The following STK32B variants were observed in gnomAD, a reference collection of about 807,000 sequenced individuals.
STK32B encodes the protein serine/threonine kinase 32B.
STK32B carries 43 observed loss-of-function variants against 52.6 expected under a neutral mutation model. The observed-to-expected ratio is 0.82, with a 90% CI of 0.64 to 1.05. The LOEUF (loss-of-function observed/expected upper bound fraction) is 1.05, where lower values mean the gene tolerates loss of function less well. STK32B is among the 50% of genes least tolerant of loss of function. The probability of loss-of-function intolerance (pLI) is 0.00; values close to 1 mark genes in which losing one functional copy is unlikely to be tolerated. For synonymous variants in STK32B, 238 were observed against 204.3 expected (o/e 1.17, Z -1.41); for missense variants, 621 against 534.6 (o/e 1.16, Z -1.59).
chr4:5,061,258 G>C (rs528639291), intron 1 of STK32B, among the ~76,000 whole-genome samples: 1 of 152,036 alleles, frequency 6.6e-6, no homozygotes, highest in African/African-American at 2.4e-5. Flanking sequence ...CTTCAGGTCT[G>C]TCTGCTATTA....
chr4:5,054,704 A>G (rs1450167371), intron 1 of STK32B, among the ~76,000 whole-genome samples: 11 of 152,204 alleles, frequency 7.2e-5, no homozygotes, highest in Non-Finnish European at 1.6e-4. Context: ...CCAGTGAACA[A>G]GCTCTCCCAA....
intron 3 of STK32B, among the ~76,000 whole-genome samples, chr4:5,209,982 AT>A (rs1239913684): frequency 1.3e-5 from 2 of 152,156 alleles, no homozygotes; most frequent in African/African-American, 4.8e-5. Flanking sequence ...AAATATGTGA[AT>A]TTCTAGAGGC....
intron 1 of STK32B, among the ~76,000 whole-genome samples, chr4:5,074,526 A>C (rs1711967066): frequency 1.3e-5 from 2 of 151,784 alleles, no homozygotes; most frequent in Non-Finnish European, 2.9e-5. Context: ...TTTACCATGG[A>C]ACACATTCTT....
At chr4:5,176,023 G>C (rs144166662) in intron 3 of STK32B, among the ~76,000 whole-genome samples, 1 of 152,198 alleles carries the variant, frequency 6.6e-6, no homozygotes. Context: ...CCCAAGCCTC[G>C]CTGTGGCCTT....
At chr4:5,428,526 AC>A (rs1047882441) in intron 6 of STK32B, among the ~76,000 whole-genome samples, 1 of 152,196 alleles carries the variant, frequency 6.6e-6, no homozygotes, top group African/African-American at 2.4e-5. Context: ...ATTTTGTATG[AC>A]TTCTTTTCTA....
chr4:5,124,105 C>T (rs1715219388), intron 1 of STK32B, among the ~76,000 whole-genome samples: 1 of 152,082 alleles, frequency 6.6e-6, no homozygotes, highest in African/African-American at 2.4e-5. Flanking sequence ...CTGGTTTTGC[C>T]AAAATGTCAG....
the STK32B span, among the ~76,000 whole-genome samples, chr4:5,029,950 G>C: frequency 2.6e-5 from 4 of 152,178 alleles, no homozygotes; most frequent in Non-Finnish European, 5.9e-5. Context: ...GTTTTCATGA[G>C]ATCTGATGGT....
Position 5,380,241 on chromosome 4 carries a change from A to G in STK32B, c.435-17966A>G, listed in dbSNP as rs947932388. 2.0e-5 allele frequency among the ~76,000 whole-genome samples: 3 copies of G among 152,128 alleles called. No homozygotes were observed. The highest frequency in any genetic ancestry group is 6.5e-5 in the Admixed American group (1 of 15,276). ...AAAAGAAAATGGAACTGAACATGCT[A>G]TGTCAGAGCAACCCCATCCCCATGG... On this transcript the variant is annotated intron_variant, in intron 4 of 11. Coordinates refer to ENST00000282908, the MANE Select transcript of STK32B (RefSeq NM_018401.3). This position sits in a 1 kb window ranked among gnomAD's most constrained non-coding sequence, Gnocchi z 4.3.
chr4:5,278,982 C>G (rs1728019365), intron 3 of STK32B, among the ~76,000 whole-genome samples: 2 of 152,124 alleles, frequency 1.3e-5, no homozygotes, highest in Admixed American at 6.5e-5. Flanking sequence ...GGTCCCTACC[C>G]CAACACTGAC....
At chr4:5,340,265 C>G (rs528381037) in intron 4 of STK32B, among the ~76,000 whole-genome samples, 2 of 152,202 alleles carry the variant, frequency 1.3e-5, no homozygotes, top group Admixed American at 1.3e-4. Context: ...CTACACAGCA[C>G]CAGTGGGAGC....
At chr4:5,093,662 T>C (rs1304971481) in intron 1 of STK32B, among the ~76,000 whole-genome samples, 1 of 152,156 alleles carries the variant, frequency 6.6e-6, no homozygotes. Context: ...TGTATGCATA[T>C]GTAACTAACC....
chr4:5,317,833 G>A (rs2108931994), intron 3 of STK32B, among the ~76,000 whole-genome samples: 1 of 152,018 alleles, frequency 6.6e-6, no homozygotes, highest in East Asian at 1.9e-4. Flanking sequence ...ATTCATCTAA[G>A]TGTTTTGGAT....
At chr4:5,162,284 A>T (rs1050040161) in intron 2 of STK32B, among the ~76,000 whole-genome samples, 1 of 152,234 alleles carries the variant, frequency 6.6e-6, no homozygotes, top group African/African-American at 2.4e-5. Context: ...CAGTGAAATC[A>T]TTCTCAACTC....
chr4:5,195,425 G>A (rs1004090241), intron 3 of STK32B, among the ~76,000 whole-genome samples: 2 of 152,182 alleles, frequency 1.3e-5, no homozygotes, highest in East Asian at 1.9e-4. Flanking sequence ...GGGTGCAGTG[G>A]CTCATGTCAG....
chr4:5,088,104 G>A (rs1033062441), intron 1 of STK32B, among the ~76,000 whole-genome samples: 15 of 152,034 alleles, frequency 9.9e-5, no homozygotes, highest in African/African-American at 3.1e-4. Flanking sequence ...GCCTGTGATC[G>A]CAACAGAAAA....
chr4:5,348,182 T>G (rs2089031), intron 4 of STK32B, among the ~76,000 whole-genome samples: 1 of 151,936 alleles, frequency 6.6e-6, no homozygotes, highest in Admixed American at 6.6e-5. Flanking sequence ...GGGTCCAGAT[T>G]CCCACAACAG....
At position 5,394,825 on chromosome 4, in the gene STK32B, A is replaced by G. The variant is rs1054622843; in HGVS notation, c.435-3382A>G. The stretch of plus-strand genomic sequence containing the variant: ...GTAAGTGGCCCAAGATCATATAGCT[A>G]GAGAATTAGTTTTCTATTGTTGTGA... On this transcript the variant is annotated intron_variant, in intron 4 of 11. Transcript: ENST00000282908. This position sits in a 1 kb window ranked among gnomAD's most constrained non-coding sequence, Gnocchi z 4.2. Among the ~76,000 whole-genome samples, 15 of 152,378 alleles carry G rather than the reference A, an allele frequency of 9.8e-5. No homozygotes were observed. The highest frequency in any genetic ancestry group is 2.6e-4 in the Admixed American group (4 of 15,304).
At chr4:5,061,271 T>A (rs1363230439) in intron 1 of STK32B, among the ~76,000 whole-genome samples, 1 of 152,222 alleles carries the variant, frequency 6.6e-6, no homozygotes, top group Admixed American at 6.5e-5. Context: ...TGCTATTAAG[T>A]ACAGCCATTA....
chr4:5,378,062 A>T lies in STK32B; in HGVS notation c.435-20145A>T, dbSNP rs2109020341. On this transcript the variant is annotated intron_variant, in intron 4 of 11. Coordinates refer to ENST00000282908, the MANE Select transcript of STK32B (RefSeq NM_018401.3). The surrounding 1 kb of genome is among the most constrained non-coding windows in gnomAD (Gnocchi z 4.4). The stretch of plus-strand genomic sequence containing the variant: ...GTGGGAATTAGCAAATGTTACTGAG[A>T]TGTTAAAGACGTAATAGTACCAAGT... 6.6e-6 allele frequency among the ~76,000 whole-genome samples: 1 copy of T among 152,338 alleles called. No homozygotes were observed. The highest frequency in any genetic ancestry group is 3.4e-3 in the Middle Eastern group (1 of 294).
Sources: allele counts gnomAD v4.1 joint callset (sites outside exome capture counted in the v4.1 genomes callset), GRCh38; gene constraint gnomAD v4.1.1; non-coding constraint Gnocchi (gnomAD v3.1); transcripts MANE v1.5; gene names NCBI Gene and HGNC (gene_info 2026-07-23, HGNC 2026-07-21).